The following CAMK1D variants were observed in gnomAD, a reference collection of about 807,000 sequenced individuals.
The protein encoded by CAMK1D is calcium/calmodulin dependent protein kinase ID, also known as calcium/calmodulin-dependent protein kinase type 1D.
CAMK1D carries 9 observed loss-of-function variants against 47.7 expected under a neutral mutation model. The ratio of observed to expected loss-of-function variants is 0.19; its 90% confidence interval spans 0.11 to 0.33. The LOEUF (loss-of-function observed/expected upper bound fraction) is 0.33. Among genes scored for constraint, CAMK1D ranks in the 10% least tolerant of loss-of-function variants. The pLI is 1.00. For missense variants in CAMK1D, 291 were observed against 488.7 expected (o/e 0.60, Z 3.81); for synonymous variants, 184 against 184.9 (o/e 0.99, Z 0.04).
At chr10:12,494,409 C>A (rs1391829768) in intron 1 of CAMK1D, among the ~76,000 whole-genome samples, 1 of 151,956 alleles carries the variant, frequency 6.6e-6, no homozygotes, top group Admixed American at 6.6e-5. Flanking sequence ...ATTAATGTTA[C>A]ACACACACGT....
At chr10:12,767,096 C>T (rs1468571855) in intron 4 of CAMK1D, among the ~76,000 whole-genome samples, 1 of 152,166 alleles carries the variant, frequency 6.6e-6, no homozygotes, top group African/African-American at 2.4e-5. Context: ...CACAACAGGC[C>T]GAGGACCACT....
intron 5 of CAMK1D, among the ~76,000 whole-genome samples, chr10:12,782,384 A>G (rs1290794441): frequency 6.6e-6 from 1 of 152,162 alleles, no homozygotes; most frequent in African/African-American, 2.4e-5. Context: ...TCTTGATGTC[A>G]TTCTTACTGA....
chr10:12,554,003 AGCAGGCT>A (rs1170254557), intron 2 of CAMK1D, among the ~76,000 whole-genome samples: 1 of 152,228 alleles, frequency 6.6e-6, no homozygotes, highest in African/African-American at 2.4e-5. Context: ...CCTGGCACCC[AGCAGGCT>A]GCGTGGAGTT....
intron 3 of CAMK1D, among the ~76,000 whole-genome samples, chr10:12,667,759 A>ATTTCTTTTCCATAGATT (rs1464419965): frequency 6.6e-6 from 1 of 152,160 alleles, no homozygotes; most frequent in Non-Finnish European, 1.5e-5. Context: ...TAGGCTCACA[A>ATTTCTTTTCCATAGATT]TTTCTTTTCC....
At chr10:12,692,468 T>C (rs1440039701) in intron 3 of CAMK1D, among the ~76,000 whole-genome samples, 1 of 152,210 alleles carries the variant, frequency 6.6e-6, no homozygotes, top group Non-Finnish European at 1.5e-5. Context: ...AAGATGTACC[T>C]AAGATTTAAC....
Position 12,769,735 on chromosome 10 carries a change from A to G in CAMK1D, c.501A>G (p.Gly167=). Residue 167 remains glycine, a synonymous_variant, in exon 5 of 11, where the codon GGA becomes GGG. Coordinates refer to ENST00000619168, the MANE Select transcript of CAMK1D (RefSeq NM_153498.4). ...CCAAAATAATGATCAGTGACTTTGG[A>G]TTGTCAAAAATGGAGGGCAAAGGAG... ...EESKIMISDF[G]LSKMEGKGDV... 1 of 1,614,150 alleles carries G rather than the reference A, an allele frequency of 6.2e-7. No individual in the cohort carries two copies. The highest frequency in any genetic ancestry group is 8.5e-7 in the Non-Finnish European group (1 of 1,180,002).
At chr10:12,656,123 G>A (rs1445737084) in intron 2 of CAMK1D, among the ~76,000 whole-genome samples, 1 of 152,214 alleles carries the variant, frequency 6.6e-6, no homozygotes, top group Non-Finnish European at 1.5e-5. Flanking sequence ...TGACCAGAAT[G>A]TGGTCATAGT....
At chr10:12,610,170 A>T (rs1350425448) in intron 2 of CAMK1D, among the ~76,000 whole-genome samples, 2 of 152,212 alleles carry the variant, frequency 1.3e-5, no homozygotes, top group Non-Finnish European at 2.9e-5. Context: ...CAGATTAGGA[A>T]GGGATGTTCA....
intron 1 of CAMK1D, among the ~76,000 whole-genome samples, chr10:12,496,492 G>C (rs7078980): frequency 6.6e-6 from 1 of 151,926 alleles, no homozygotes; most frequent in Non-Finnish European, 1.5e-5. Flanking sequence ...CACAGAAGAA[G>C]GGGCCCAGAG....
chr10:12,822,725 A>G (rs1235109170), intron 8 of CAMK1D, among the ~76,000 whole-genome samples: 1 of 152,236 alleles, frequency 6.6e-6, no homozygotes, highest in Admixed American at 6.5e-5. Context: ...TAGCTTTTCA[A>G]CAGGGTCCAG....
intron 1 of CAMK1D, among the ~76,000 whole-genome samples, chr10:12,427,588 A>G (rs1367317440): frequency 6.6e-6 from 1 of 150,988 alleles, no homozygotes; most frequent in Non-Finnish European, 1.5e-5. Context: ...CTGGCCTTCC[A>G]CTGGCCATCT....
chr10:12,468,169 C>T (rs1194067409), intron 1 of CAMK1D, among the ~76,000 whole-genome samples: 1 of 152,222 alleles, frequency 6.6e-6, no homozygotes, highest in Non-Finnish European at 1.5e-5. Context: ...GATCCTCCCG[C>T]CTCAGCTTCC....
intron 2 of CAMK1D, among the ~76,000 whole-genome samples, chr10:12,557,222 C>T (rs1836789279): frequency 6.6e-6 from 1 of 152,124 alleles, no homozygotes; most frequent in Non-Finnish European, 1.5e-5. Context: ...TCTGGACTTG[C>T]TGATTGGTAA....
chr10:12,750,511 G>A (rs1835895052), intron 3 of CAMK1D, among the ~76,000 whole-genome samples: 1 of 152,194 alleles, frequency 6.6e-6, no homozygotes, highest in Non-Finnish European at 1.5e-5. Flanking sequence ...CATTCCCTGG[G>A]TGGGCTGGAG....
At chr10:12,603,269 C>T (rs776997620) in intron 2 of CAMK1D, among the ~76,000 whole-genome samples, 3 of 152,094 alleles carry the variant, frequency 2.0e-5, no homozygotes, top group African/African-American at 2.4e-5. Context: ...GTCCGCATTC[C>T]GGATTCCTCC....
chr10:12,408,183 A>G (rs1357411194), intron 1 of CAMK1D, among the ~76,000 whole-genome samples: 1 of 130,746 alleles, frequency 7.6e-6, no homozygotes, highest in South Asian at 2.4e-4. Context: ...TTTTTTTGAG[A>G]TGGAGTCTCG....
chr10:12,503,353 C>G (rs542961187), intron 1 of CAMK1D, among the ~76,000 whole-genome samples: 1 of 152,164 alleles, frequency 6.6e-6, no homozygotes, highest in African/African-American at 2.4e-5. Context: ...CATGAGTGAA[C>G]GTAAAACAAC....
intron 1 of CAMK1D, among the ~76,000 whole-genome samples, chr10:12,533,236 A>G (rs1835865788): frequency 6.6e-6 from 1 of 152,210 alleles, no homozygotes; most frequent in African/African-American, 2.4e-5. Context: ...AAACAGTGTT[A>G]AAAGACTGCC....
intron 1 of CAMK1D, among the ~76,000 whole-genome samples, chr10:12,436,875 C>T (rs772530837): frequency 1.5e-4 from 23 of 152,180 alleles, no homozygotes; most frequent in Non-Finnish European, 2.5e-4. Flanking sequence ...CACGGACTCA[C>T]AGTTCTCAGC....
Sources: allele counts gnomAD v4.1 joint callset (sites outside exome capture counted in the v4.1 genomes callset), GRCh38; gene constraint gnomAD v4.1.1; transcripts MANE v1.5; gene names NCBI Gene and HGNC (gene_info 2026-07-23, HGNC 2026-07-21).